The following LRP1 variants were observed in gnomAD, a reference collection of about 807,000 sequenced individuals.
LRP1 encodes LDL receptor related protein 1, also known as prolow-density lipoprotein receptor-related protein 1.
LRP1 carries 51 observed loss-of-function variants against 541.5 expected under a neutral mutation model. The observed-to-expected ratio is 0.09, with a 90% CI of 0.08 to 0.12. The LOEUF is 0.12. Among genes scored for constraint, LRP1 ranks in the 10% least tolerant of loss-of-function variants. The probability of loss-of-function intolerance (pLI) is 1.00; values close to 1 mark genes in which losing one functional copy is unlikely to be tolerated. For synonymous variants in LRP1, 2,219 were observed against 2,470.8 expected (o/e 0.90, Z 3.02); for missense variants, 3,878 against 6,376.2 (o/e 0.61, Z 13.34).
Position 57,179,959 on chromosome 12 carries a change from C to T in LRP1, c.5141+3C>T. On this transcript the variant is annotated splice_donor_region_variant and intron_variant, in intron 30 of 88. Transcript: ENST00000243077. The surrounding 1 kb of genome is among the most constrained non-coding windows in gnomAD (Gnocchi z 6.8). ...CTTGTCGTCCACCCTCTGCGTGGGT[C>T]AGTCTAGGGCCCAGGGCCGGGGAGC... The T allele has an allele frequency of 6.2e-7, 1 of 1,613,888 alleles. No individual in the cohort carries two copies. Among genetic ancestry groups the T allele is most frequent in the Non-Finnish European group, 8.5e-7 (1 of 1,179,884 alleles).
Position 57,128,896 on chromosome 12 carries a change from TGG to T in LRP1, c.-62_-61del. 3 of 1,350,206 alleles carry T rather than the reference TGG, an allele frequency of 2.2e-6. No homozygotes were observed. Among genetic ancestry groups the T allele is most frequent in the Non-Finnish European group, 3.0e-6 (3 of 984,862 alleles). The allele number at this position is 1,350,206 out of a possible 1,614,324, so 83.6% of individuals were successfully genotyped here. A position where few individuals can be genotyped will look rare whatever the true frequency, so the allele number is the denominator to read the frequency against. ...AGGAGGAAAAGGGGGACCCCCCAAC[TGG>T]GGGGGGTGAAGGAGAGAAGTAGCAG... On this transcript the variant is annotated 5_prime_UTR_variant, in exon 1 of 89. Transcript: ENST00000243077.
chr12:57,191,836 TACCACACACAC>T (rs1344373448), intron 44 of LRP1, among the ~76,000 whole-genome samples: 17 of 15,922 alleles, frequency 1.1e-3, no homozygotes, highest in Non-Finnish European at 4.9e-4. Flanking sequence ...ACCACACACA[TACCACACACAC>T]ACCACACACC....
chr12:57,149,246 G>A (rs959436244), intron 6 of LRP1: 51 of 438,854 alleles, frequency 1.2e-4, no homozygotes, highest in African/African-American at 8.1e-4. Flanking sequence ...TGTTTGGGGA[G>A]GGGTGGCTCT....
intron 6 of LRP1, chr12:57,149,835 G>A: frequency 2.9e-6 from 2 of 690,988 alleles, no homozygotes; most frequent in Admixed American, 2.0e-5. Flanking sequence ...CTCGCCAGGA[G>A]GTCTCCTTCC....
chr12:57,208,508 G>C, intron 77 of LRP1: 1 of 591,376 alleles, frequency 1.7e-6, no homozygotes, highest in Non-Finnish European at 3.0e-6. Flanking sequence ...CGGTGGCTCT[G>C]AATGAGCACA....
At chr12:57,150,627 G>A (rs565483021) in intron 6 of LRP1, among the ~76,000 whole-genome samples, 1 of 152,334 alleles carries the variant, frequency 6.6e-6, no homozygotes, top group East Asian at 1.9e-4. Flanking sequence ...TCTGGCTGGA[G>A]GCACAGAGGG....
chr12:57,184,064 C>T lies in LRP1; in HGVS notation c.5930-21C>T, dbSNP rs1402545412. 3 of 1,610,428 alleles carry T rather than the reference C, an allele frequency of 1.9e-6. No individual in the cohort carries two copies. The highest frequency in any genetic ancestry group is 1.1e-5 in the South Asian group (1 of 90,564). ...CCTGTCCTCACCTAACCTCCCTGAGCCCCACCAACTCCCTCCTTAGGCAAC... is the reference window on the plus strand; with the variant it reads ...CCTGTCCTCACCTAACCTCCCTGAGTCCCACCAACTCCCTCCTTAGGCAAC... On this transcript the variant is annotated intron_variant, in intron 36 of 88. Transcript: ENST00000243077. This position sits in a 1 kb window ranked among gnomAD's most constrained non-coding sequence, Gnocchi z 7.8.
In LRP1 at chr12:57,175,605, C is replaced by G; in HGVS notation, c.3693C>G (p.Leu1231=). The change falls in exon 23 of 89, where the codon CTC becomes CTG. Residue 1231 remains leucine, a synonymous_variant. Transcript: ENST00000243077. ...TCCAGAGCTACTGTGCCAAGCATCT[C>G]AAATGCAGCCAAAAGTGCGACCAGA... ...CQIQSYCAKH[L]KCSQKCDQNK... The G allele has an allele frequency of 6.2e-7, 1 of 1,613,422 alleles. No homozygotes were observed. The highest frequency in any genetic ancestry group is 8.5e-7 in the Non-Finnish European group (1 of 1,179,488).
chr12:57,149,367 C>G, intron 6 of LRP1: 1 of 513,916 alleles, frequency 1.9e-6, no homozygotes, highest in South Asian at 2.8e-5. Context: ...CTCCTCTCTC[C>G]TGGCCCGGGC....
intron 77 of LRP1, 100 bp downstream of exon 77, chr12:57,208,316 C>G: frequency 7.7e-7 from 1 of 1,299,738 alleles, no homozygotes; most frequent in Non-Finnish European, 1.1e-6. Flanking sequence ...CCCTCCCAGG[C>G]CAGCCTGAGG....
In LRP1 at chr12:57,209,800, T is replaced by G; in HGVS notation, c.12371T>G (p.Val4124Gly). Residue 4124 changes from valine to glycine, a missense_variant, in exon 80 of 89, where the codon GTC (valine) becomes GGC (glycine). Transcript: ENST00000243077. Reference protein sequence around the residue: ...KIHKFGHSPLVNLTGGLSHAS... With the variant: ...KIHKFGHSPLGNLTGGLSHAS... ...CATAAGTTTGGCCACAGCCCCTTGG[T>G]CAACCTGACAGGGGGCCTGAGCCAC... 1 of 1,614,188 alleles carries G rather than the reference T, an allele frequency of 6.2e-7. No homozygotes were observed. The highest frequency in any genetic ancestry group is 2.2e-5 in the East Asian group (1 of 44,874).
rs566749361 is a variant in LRP1 at position 57,141,740 on chromosome 12, C to G, written c.328+229C>G. ...CTGTAGCCTGGGCACTTCCCTCTGGCTATGTGTTCTTGGACTAGTCACTAC... is the reference window on the plus strand; with the variant it reads ...CTGTAGCCTGGGCACTTCCCTCTGGGTATGTGTTCTTGGACTAGTCACTAC... On this transcript the variant is annotated intron_variant, in intron 3 of 88. Transcript: ENST00000243077. 3.3e-5 allele frequency among the ~76,000 whole-genome samples: 5 copies of G among 152,332 alleles called. No homozygotes were observed. The Middle Eastern group carries it at 0.017, about 518-fold the overall frequency.
chr12:57,201,095 C>T lies in LRP1; in HGVS notation c.10287C>T (p.Gly3429=). 1.2e-6 allele frequency: 2 copies of T among 1,613,946 alleles called. No homozygotes were observed. Among genetic ancestry groups the T allele is most frequent in the Non-Finnish European group, 8.5e-7 (1 of 1,179,946 alleles). The stretch of plus-strand genomic sequence containing the variant: ...CCAACACCAACCGCTGTATTCCCGG[C>T]ATCTTCCGCTGCAATGGGCAGGACA... ...KCTNTNRCIP[G]IFRCNGQDNC... Residue 3429 remains glycine, a synonymous_variant, in exon 65 of 89, where the codon GGC becomes GGT. Coordinates refer to ENST00000243077, the MANE Select transcript of LRP1 (RefSeq NM_002332.3). This position sits in a 1 kb window ranked among gnomAD's most constrained non-coding sequence, Gnocchi z 6.4.
chr12:57,155,994 A>G, intron 8 of LRP1, 100 bp from the exon 9 acceptor site: 1 of 858,812 alleles, frequency 1.2e-6, no homozygotes, highest in Non-Finnish European at 1.9e-6. Context: ...TGAATTGGGG[A>G]ATGCAGGTCA....
Position 57,158,782 on chromosome 12 carries a change from T to C in LRP1, c.1798+144T>C. On this transcript the variant is annotated intron_variant, in intron 11 of 88. Transcript: ENST00000243077. This position sits in a 1 kb window ranked among gnomAD's most constrained non-coding sequence, Gnocchi z 5.3. ...GCATGGAGATGAGGGGATAGACAGA[T>C]TGACCCCTGTGTGACCCCCTTCTTG... 1.3e-6 allele frequency: 1 copy of C among 779,084 alleles called. No individual in the cohort carries two copies. The allele number at this position is 779,084 out of a possible 1,614,324, so 48.3% of individuals were successfully genotyped here.
intron 19 of LRP1, 121 bp downstream of exon 19, chr12:57,167,645 C>T (rs2035866230): frequency 1.3e-6 from 1 of 776,840 alleles, no homozygotes; most frequent in African/African-American, 1.7e-5. Flanking sequence ...CACTGAATCC[C>T]TGCTGGGTTG....
chr12:57,142,226 C>G (rs2035308022), intron 3 of LRP1, among the ~76,000 whole-genome samples: 1 of 152,242 alleles, frequency 6.6e-6, no homozygotes, highest in Non-Finnish European at 1.5e-5. Context: ...GGCAGAGCCT[C>G]AAGCCTGCGT....
rs142687241 is a variant in LRP1 at position 57,205,447 on chromosome 12, C to G, written c.11432C>G (p.Ser3811Trp). The change falls in exon 74 of 89, where the codon TCG becomes TGG. Residue 3811 changes from serine (S) to tryptophan (W), a missense_variant. By Grantham distance (177) the Ser-to-Trp change is radical (BLOSUM62 -3). This residue lies in a region of LRP1 where 871 missense variants were observed against 1,212.4 expected (regional missense o/e 0.72). Transcript: ENST00000243077. The surrounding 1 kb of genome is among the most constrained non-coding windows in gnomAD (Gnocchi z 4.6). ...TEKAAYCACR[S>W]GFHTVPGQPG... ...AAAGCGGCCTACTGTGCCTGCCGCTCGGGCTTCCACACCGTGCCCGGCCAG... is the reference window on the plus strand; with the variant it reads ...AAAGCGGCCTACTGTGCCTGCCGCTGGGGCTTCCACACCGTGCCCGGCCAG... 3.8e-5 allele frequency: 62 copies of G among 1,611,118 alleles called. No individual in the cohort carries two copies. Among genetic ancestry groups the G allele is most frequent in the Non-Finnish European group, 5.2e-5 (61 of 1,179,330 alleles).
In LRP1 at chr12:57,197,807, A is replaced by C; in HGVS notation, c.9282+143A>C. On this transcript the variant is annotated intron_variant, in intron 58 of 88. Coordinates refer to ENST00000243077, the MANE Select transcript of LRP1 (RefSeq NM_002332.3). The surrounding 1 kb of genome is among the most constrained non-coding windows in gnomAD (Gnocchi z 4.5). ...ATATGACTGCTTGTTCTAGCTGCTC[A>C]CTCTCCTCTGGGCCCAGACAGCAAG... The C allele has an allele frequency of 1.0e-6, 1 of 970,600 alleles. No individual in the cohort carries two copies. The highest frequency in any genetic ancestry group is 1.5e-6 in the Non-Finnish European group (1 of 670,004). 60.1% of individuals were successfully genotyped at this position (970,600 alleles called of 1,614,324 possible). A position where few individuals can be genotyped will look rare whatever the true frequency, so the allele number is the denominator to read the frequency against.
Sources: allele counts gnomAD v4.1 joint callset (sites outside exome capture counted in the v4.1 genomes callset), GRCh38; gene constraint gnomAD v4.1.1; regional missense constraint gnomAD v4.1.1; non-coding constraint Gnocchi (gnomAD v3.1); transcripts MANE v1.5; gene names NCBI Gene and HGNC (gene_info 2026-07-23, HGNC 2026-07-21).